RYR3: variants seen among roughly 807,000 people sequenced by gnomAD.
RYR3 encodes brain ryanodine receptor-calcium release channel.
In RYR3, 207 loss-of-function variants were observed where a neutral mutation model predicts 584.3. That is an observed-to-expected ratio of 0.35 (90% confidence interval 0.32 to 0.40). The LOEUF (loss-of-function observed/expected upper bound fraction) is 0.40. RYR3 is among the 10% of genes least tolerant of loss of function. The probability of loss-of-function intolerance (pLI) is 1.00; values close to 1 mark genes in which losing one functional copy is unlikely to be tolerated. For synonymous variants in RYR3, 2,416 were observed against 2,248.5 expected (o/e 1.07, Z -2.11); for missense variants, 5,616 against 6,089.2 (o/e 0.92, Z 2.59).
chr15:33,379,515 C>T (rs1419908217), intron 1 of RYR3, among the ~76,000 whole-genome samples: 2 of 151,966 alleles, frequency 1.3e-5, no homozygotes, highest in African/African-American at 4.8e-5. Flanking sequence ...CATTACTCTT[C>T]AGTGTGTCTG....
At chr15:33,775,811 C>T (rs1169450275) in intron 64 of RYR3, among the ~76,000 whole-genome samples, 1 of 152,222 alleles carries the variant, frequency 6.6e-6, no homozygotes, top group African/African-American at 2.4e-5. Flanking sequence ...GGCCTGCTCA[C>T]ACACTTCATC....
At chr15:33,862,786 T>C (rs1888860264) in intron 102 of RYR3, among the ~76,000 whole-genome samples, 1 of 152,114 alleles carries the variant, frequency 6.6e-6, no homozygotes, top group South Asian at 2.1e-4. Flanking sequence ...AATTTTTGTA[T>C]TTTTAGTAGA....
At chr15:33,521,338 C>A (rs556560257) in intron 3 of RYR3, among the ~76,000 whole-genome samples, 2 of 152,242 alleles carry the variant, frequency 1.3e-5, no homozygotes, top group South Asian at 2.1e-4. Flanking sequence ...TAGGCTCTGG[C>A]CTTTCATCCT....
chr15:33,393,555 GCAAA>G (rs1376005416), intron 1 of RYR3, among the ~76,000 whole-genome samples: 1 of 152,178 alleles, frequency 6.6e-6, no homozygotes, highest in Non-Finnish European at 1.5e-5. Flanking sequence ...GCAGGGTGCT[GCAAA>G]CTTTGAGAAT....
chr15:33,595,563 G>A (rs2059330981), intron 16 of RYR3, among the ~76,000 whole-genome samples: 1 of 152,106 alleles, frequency 6.6e-6, no homozygotes, highest in South Asian at 2.1e-4. Context: ...ACACCCACCT[G>A]TTTGGAGACA....
chr15:33,604,807 T>C (rs1407414294), intron 18 of RYR3, among the ~76,000 whole-genome samples: 1 of 152,210 alleles, frequency 6.6e-6, no homozygotes, highest in Non-Finnish European at 1.5e-5. Context: ...TATCATCAGA[T>C]ATCATAAGGT....
intron 32 of RYR3, among the ~76,000 whole-genome samples, chr15:33,654,538 G>A (rs188059505): frequency 4.4e-4 from 67 of 152,198 alleles, no homozygotes; most frequent in Non-Finnish European, 7.9e-4. Flanking sequence ...GAATTTTCAT[G>A]GGTAGAAGGA....
chr15:33,813,340 G>A (rs2076646118), intron 73 of RYR3, 127 bp from the exon 74 acceptor site: 2 of 741,242 alleles, frequency 2.7e-6, no homozygotes, highest in Non-Finnish European at 4.6e-6. Context: ...GCTCCTGGGT[G>A]CATTTTGCTA....
At chr15:33,316,824 G>T (rs1968240253) in intron 1 of RYR3, among the ~76,000 whole-genome samples, 1 of 152,216 alleles carries the variant, frequency 6.6e-6, no homozygotes, top group South Asian at 2.1e-4. Context: ...TGGAAAACCA[G>T]CCCAGTTGCC....
Position 33,865,181 on chromosome 15 carries a change from A to C in RYR3, c.14568A>C (p.Pro4856=). 6.2e-7 allele frequency: 1 copy of C among 1,613,940 alleles called. No homozygotes were observed. Among genetic ancestry groups the C allele is most frequent in the South Asian group, 1.1e-5 (1 of 91,068 alleles). Residue 4856 remains proline (P), a synonymous_variant, in exon 104 of 104, where the codon CCA becomes CCC. Coordinates refer to ENST00000634891, the MANE Select transcript of RYR3 (RefSeq NM_001036.6). ...MYQERCWDFF[P]AGDCFRKQYE... is the part of the protein sequence containing the mutation. Reference sequence around the variant, plus strand: ...AAGAAAGGTGTTGGGATTTCTTCCCAGCCGGTGACTGCTTTCGTAAACAAT... The same window carrying C: ...AAGAAAGGTGTTGGGATTTCTTCCCCGCCGGTGACTGCTTTCGTAAACAAT...
intron 1 of RYR3, among the ~76,000 whole-genome samples, chr15:33,420,102 A>C (rs1280831215): frequency 2.6e-5 from 4 of 152,190 alleles, no homozygotes; most frequent in African/African-American, 9.6e-5. Context: ...AATTTATCAG[A>C]CAATAGGTGA....
chr15:33,371,515 C>A lies in RYR3; in HGVS notation c.51+60419C>A, dbSNP rs74804746. The stretch of plus-strand genomic sequence containing the variant: ...GCACTTTCTATGTGCTAGGCGCCAG[C>A]ACATGATGCTAGGTATGGATGAATG... On this transcript the variant is annotated intron_variant, in intron 1 of 103. Coordinates refer to ENST00000634891, the MANE Select transcript of RYR3 (RefSeq NM_001036.6). 4.6e-3 allele frequency among the ~76,000 whole-genome samples: 697 copies of A among 152,278 alleles called. 2 individuals carry two copies. Among genetic ancestry groups the A allele is most frequent in the African/African-American group, 0.016 (672 of 41,562 alleles).
chr15:33,622,061 G>T (rs2060753118), intron 19 of RYR3, among the ~76,000 whole-genome samples: 1 of 152,030 alleles, frequency 6.6e-6, no homozygotes, highest in South Asian at 2.1e-4. Context: ...GATCACCTCC[G>T]TCCAACCCAC....
intron 1 of RYR3, among the ~76,000 whole-genome samples, chr15:33,443,640 G>A (rs2046401007): frequency 6.6e-6 from 1 of 152,056 alleles, no homozygotes; most frequent in African/African-American, 2.4e-5. Context: ...TAATTATCAG[G>A]TTGTCAGGTC....
chr15:33,373,085 A>G (rs914613972), intron 1 of RYR3, among the ~76,000 whole-genome samples: 1 of 152,154 alleles, frequency 6.6e-6, no homozygotes, highest in African/African-American at 2.4e-5. Flanking sequence ...TTGTTGAGTG[A>G]TCAATTTACT....
chr15:33,728,159 C>T (rs892758062), intron 46 of RYR3, among the ~76,000 whole-genome samples: 3 of 152,308 alleles, frequency 2.0e-5, no homozygotes, highest in Non-Finnish European at 2.9e-5. Flanking sequence ...AGCAATAAAT[C>T]GAGCCCTGAT....
chr15:33,721,379 T>C (rs537374729), intron 43 of RYR3, among the ~76,000 whole-genome samples: 19 of 152,328 alleles, frequency 1.2e-4, no homozygotes, highest in Non-Finnish European at 2.1e-4. Flanking sequence ...CTTAGCGACT[T>C]CAAAATCCCT....
chr15:33,699,938 T>C, intron 41 of RYR3, 105 bp downstream of exon 41: 1 of 1,108,554 alleles, frequency 9.0e-7, no homozygotes, highest in South Asian at 1.6e-5. Flanking sequence ...CACGCTGTGA[T>C]ATTTGTAAAT....
intron 65 of RYR3, 125 bp from the exon 66 acceptor site, chr15:33,785,537 A>G: frequency 1.3e-6 from 1 of 756,614 alleles, no homozygotes; most frequent in South Asian, 2.0e-5. Flanking sequence ...TCCACATCCA[A>G]GCTCACTGCT....
Sources: gnomAD v4.1 joint callset for allele counts (sites outside exome capture counted in the v4.1 genomes callset) on GRCh38, gnomAD v4.1.1 for gene constraint, MANE v1.5 for transcripts, NCBI Gene and HGNC (gene_info 2026-07-23, HGNC 2026-07-21) for gene names.